Variants in ABCD2 observed in about 807,000 individuals in gnomAD.
ABCD2 encodes ATP binding cassette subfamily D member 2, also known as ATP-binding cassette sub-family D member 2.
ABCD2 carries 36 observed loss-of-function variants against 70.9 expected under a neutral mutation model. That is an observed-to-expected ratio of 0.51 (90% confidence interval 0.39 to 0.67). The LOEUF (loss-of-function observed/expected upper bound fraction) is 0.67. Ranked by LOEUF, ABCD2 falls within the 30% of genes least tolerant of loss-of-function variation. The probability of loss-of-function intolerance (pLI) is 0.00; values close to 1 mark genes in which losing one functional copy is unlikely to be tolerated. For synonymous variants in ABCD2, 304 were observed against 306.9 expected (o/e 0.99, Z 0.10); for missense variants, 729 against 890.2 (o/e 0.82, Z 2.30).
intron 9 of ABCD2, among the ~76,000 whole-genome samples, chr12:39,566,565 CT>C (rs1406983242): frequency 6.6e-6 from 1 of 152,108 alleles, no homozygotes; most frequent in East Asian, 1.9e-4. Context: ...TTTTGTTGAT[CT>C]TTTCAAAAAA....
At chr12:39,582,486 T>C (rs1214018729) in intron 7 of ABCD2, among the ~76,000 whole-genome samples, 1 of 152,148 alleles carries the variant, frequency 6.6e-6, no homozygotes, top group Non-Finnish European at 1.5e-5. Context: ...TTGGAAAGAG[T>C]TCTAGACCTT....
intron 9 of ABCD2, among the ~76,000 whole-genome samples, chr12:39,572,536 G>A (rs1171402546): frequency 6.6e-6 from 1 of 152,168 alleles, no homozygotes; most frequent in African/African-American, 2.4e-5. Flanking sequence ...AACTGAGTGT[G>A]AAAATAGATT....
chr12:39,576,351 G>A (rs1941516971), intron 8 of ABCD2, among the ~76,000 whole-genome samples: 1 of 151,940 alleles, frequency 6.6e-6, no homozygotes, highest in Non-Finnish European at 1.5e-5. Context: ...TGTAGAGACG[G>A]GGTTTCACTA....
chr12:39,611,319 T>C (rs1038051318), intron 2 of ABCD2, among the ~76,000 whole-genome samples: 12 of 152,146 alleles, frequency 7.9e-5, no homozygotes, highest in Non-Finnish European at 1.3e-4. Flanking sequence ...GGGGAAACTA[T>C]GGGGGGAGAG....
intron 1 of ABCD2, among the ~76,000 whole-genome samples, chr12:39,617,438 A>G (rs1942131770): frequency 6.6e-6 from 1 of 152,116 alleles, no homozygotes; most frequent in Non-Finnish European, 1.5e-5. Flanking sequence ...AAATGATATT[A>G]TATGAGACAT....
At chr12:39,604,106 G>T in intron 4 of ABCD2, 100 bp from the exon 5 acceptor site, 2 of 774,726 alleles carry the variant, frequency 2.6e-6, no homozygotes, top group Non-Finnish European at 4.1e-6. Flanking sequence ...CAATTATAAA[G>T]ATAATTCACA....
intron 6 of ABCD2, among the ~76,000 whole-genome samples, chr12:39,599,192 T>C (rs1941862069): frequency 6.6e-6 from 1 of 152,208 alleles, no homozygotes; most frequent in Non-Finnish European, 1.5e-5. Flanking sequence ...TTCTTCACTT[T>C]CTTATTCTCT....
Position 39,553,998 on chromosome 12 carries a change from T to C in ABCD2, c.2137A>G (p.Met713Val). 1 of 1,613,472 alleles carries C rather than the reference T, an allele frequency of 6.2e-7. No individual in the cohort carries two copies. Among genetic ancestry groups the C allele is most frequent in the Non-Finnish European group, 8.5e-7 (1 of 1,179,804 alleles). ...LESQLAGIPK[M>V]QQRLNELCKI... ...CATAGTTCATTGAGTCTCTGCTGCA[T>C]TTTGGGAATTCCAGCTAGCTGAGAT... Residue 713 changes from methionine to valine, a missense_variant, in exon 10 of 10, where the codon ATG (methionine) becomes GTG (valine). This residue lies in a region of ABCD2 where 289 missense variants were observed against 328.8 expected (regional missense o/e 0.88). Transcript: ENST00000308666.
downstream of ABCD2, among the ~76,000 whole-genome samples, chr12:39,545,647 C>T (rs11172527): frequency 6.6e-6 from 1 of 152,128 alleles, no homozygotes; most frequent in Non-Finnish European, 1.5e-5. Context: ...TTGCTTTCTG[C>T]TGTGAATTGA....
At chr12:39,604,041 A>T in intron 4 of ABCD2, 35 bp from the exon 5 acceptor site, 1 of 1,412,438 alleles carries the variant, frequency 7.1e-7, no homozygotes, top group Non-Finnish European at 1.0e-6. Context: ...TACAAACATT[A>T]TCACAGGTTT....
chr12:39,547,214 A>G (rs1941033654), downstream of ABCD2, among the ~76,000 whole-genome samples: 1 of 152,126 alleles, frequency 6.6e-6, no homozygotes, highest in African/African-American at 2.4e-5. Flanking sequence ...GATGTGGAGA[A>G]ATTGGAGCCC....
downstream of ABCD2, among the ~76,000 whole-genome samples, chr12:39,545,908 T>C (rs1709557508): frequency 6.6e-6 from 1 of 152,120 alleles, no homozygotes; most frequent in Non-Finnish European, 1.5e-5. Flanking sequence ...GTTTGGGGAC[T>C]CAAAGAGAGA....
chr12:39,561,795 C>A (rs991094659), intron 9 of ABCD2, among the ~76,000 whole-genome samples: 1 of 152,066 alleles, frequency 6.6e-6, no homozygotes, highest in Non-Finnish European at 1.5e-5. Context: ...GACAGAAAAT[C>A]AAGAAAGAAA....
downstream of ABCD2, among the ~76,000 whole-genome samples, chr12:39,545,961 A>T (rs1941021955): frequency 6.6e-6 from 1 of 152,162 alleles, no homozygotes. Flanking sequence ...AGTTATTGTA[A>T]TATCTACTTT....
chr12:39,619,044 T>C lies in ABCD2; in HGVS notation c.572A>G (p.Gln191Arg). ...CATATTGATCACTTTATAATAAGTC[T>C]GATTTGTAAAATAGGTTTCATAGGC... The part of the protein sequence containing the change: ...DHAYETYFTN[Q>R]TYYKVINMDG... Residue 191 changes from glutamine to arginine, a missense_variant, in exon 1 of 10, where the codon CAG becomes CGG. Physicochemically the swap from Gln to Arg is conservative, Grantham distance 43 (BLOSUM62 1). This residue lies in a region of ABCD2 where 245 missense variants were observed against 261.2 expected (regional missense o/e 0.94). Coordinates refer to ENST00000308666, the MANE Select transcript of ABCD2 (RefSeq NM_005164.4). 1 of 1,614,236 alleles carries C rather than the reference T, an allele frequency of 6.2e-7. No homozygotes were observed. The highest frequency in any genetic ancestry group is 8.5e-7 in the Non-Finnish European group (1 of 1,180,040).
chr12:39,555,494 A>G (rs1386031841), intron 9 of ABCD2, among the ~76,000 whole-genome samples: 1 of 152,178 alleles, frequency 6.6e-6, no homozygotes, highest in Non-Finnish European at 1.5e-5. Context: ...ACAGAATATT[A>G]ATAAGAAAAT....
At chr12:39,570,140 T>C (rs1368565440) in intron 9 of ABCD2, among the ~76,000 whole-genome samples, 1 of 152,230 alleles carries the variant, frequency 6.6e-6, no homozygotes, top group Non-Finnish European at 1.5e-5. Flanking sequence ...AGAATTAATA[T>C]TGTTAAAATG....
chr12:39,617,328 A>T (rs747074534), intron 1 of ABCD2, among the ~76,000 whole-genome samples, 160 bp from the exon 2 acceptor site: 12 of 152,052 alleles, frequency 7.9e-5, no homozygotes, highest in Non-Finnish European at 1.0e-4. Context: ...TATTATTTTT[A>T]AAAGTTTATG....
intron 8 of ABCD2, 59 bp downstream of exon 8, chr12:39,579,476 T>C (rs1941566454): frequency 2.5e-6 from 3 of 1,217,720 alleles, no homozygotes; most frequent in Admixed American, 1.8e-5. Context: ...GTTGTTCCTA[T>C]TGTTGCTTGG....
Sources: gnomAD v4.1 joint callset for allele counts (sites outside exome capture counted in the v4.1 genomes callset) on GRCh38, gnomAD v4.1.1 for gene constraint, gnomAD v4.1.1 regional missense constraint, MANE v1.5 for transcripts, NCBI Gene and HGNC (gene_info 2026-07-23, HGNC 2026-07-21) for gene names.